RAD51B: variants seen among roughly 807,000 people sequenced by gnomAD.
RAD51B encodes RAD51 paralog B.
In RAD51B, 38 loss-of-function variants were observed where a neutral mutation model predicts 42.2. The observed-to-expected ratio is 0.90, with a 90% CI of 0.70 to 1.18. The LOEUF (loss-of-function observed/expected upper bound fraction) is 1.18, where lower values mean the gene tolerates loss of function less well. Among genes scored for constraint, RAD51B ranks in the 50% most tolerant of loss-of-function variants. RAD51B has a pLI of 0.00. For synonymous variants in RAD51B, 154 were observed against 145.2 expected (o/e 1.06, Z -0.43); for missense variants, 373 against 400.7 (o/e 0.93, Z 0.59).
intron 4 of RAD51B, among the ~76,000 whole-genome samples, chr14:67,847,326 CTTTTTT>C (rs60032578): frequency 6.1e-4 from 64 of 105,630 alleles, no homozygotes; most frequent in South Asian, 2.2e-3. Flanking sequence ...TTGGTTTGTT[CTTTTTT>C]TTTTTTTTTT....
intron 7 of RAD51B, among the ~76,000 whole-genome samples, chr14:68,248,503 C>G (rs2080547456): frequency 6.6e-6 from 1 of 151,826 alleles, no homozygotes. Flanking sequence ...TAGTGAAGTT[C>G]ATGATTCTAC....
At chr14:68,421,619 C>G (rs542399371) in intron 9 of RAD51B, 1 of 1,143,074 alleles carries the variant, frequency 8.7e-7, no homozygotes, top group Admixed American at 1.8e-5. Context: ...TAGGATACTG[C>G]GAGCAAACGG....
intron 7 of RAD51B, among the ~76,000 whole-genome samples, chr14:67,992,782 A>G (rs1371279831): frequency 6.6e-6 from 1 of 151,986 alleles, no homozygotes; most frequent in African/African-American, 2.4e-5. Flanking sequence ...AGCATTATTT[A>G]TATTTGGCAC....
At chr14:67,934,946 A>G (rs2044882002) in intron 7 of RAD51B, among the ~76,000 whole-genome samples, 1 of 152,216 alleles carries the variant, frequency 6.6e-6, no homozygotes, top group Non-Finnish European at 1.5e-5. Context: ...CTTTCCTGAC[A>G]GCACCATACT....
chr14:67,930,218 C>A (rs551339288), intron 7 of RAD51B, among the ~76,000 whole-genome samples: 5 of 152,116 alleles, frequency 3.3e-5, no homozygotes, highest in Admixed American at 1.3e-4. Context: ...TTTGTTCCTT[C>A]ATATTGTTAA....
intron 7 of RAD51B, among the ~76,000 whole-genome samples, chr14:68,221,574 A>G (rs778381936): frequency 6.6e-6 from 1 of 152,260 alleles, no homozygotes; most frequent in African/African-American, 2.4e-5. Context: ...ACCTGAAACC[A>G]TAAAGATTCT....
intron 8 of RAD51B, among the ~76,000 whole-genome samples, chr14:68,347,954 T>G (rs144519155): frequency 6.6e-6 from 1 of 152,166 alleles, no homozygotes; most frequent in Non-Finnish European, 1.5e-5. Flanking sequence ...ATGAATTTGC[T>G]GAATATTCCA....
At chr14:68,354,146 A>G (rs1393632963) in intron 8 of RAD51B, among the ~76,000 whole-genome samples, 3 of 151,824 alleles carry the variant, frequency 2.0e-5, no homozygotes, top group East Asian at 3.9e-4. Flanking sequence ...TTGTGGTGCT[A>G]TATAGGTGGT....
chr14:68,396,094 C>T (rs950490079), intron 8 of RAD51B, among the ~76,000 whole-genome samples: 6 of 152,106 alleles, frequency 3.9e-5, no homozygotes, highest in Non-Finnish European at 8.8e-5. Flanking sequence ...GGGACACGGG[C>T]ACCGGCAGAG....
At chr14:68,267,947 A>G (rs1304367601) in intron 7 of RAD51B, among the ~76,000 whole-genome samples, 2 of 152,212 alleles carry the variant, frequency 1.3e-5, no homozygotes, top group Non-Finnish European at 2.9e-5. Context: ...TCAGATGTCA[A>G]ATAATGTGCT....
chr14:68,260,240 G>GATAGGAGTAAGCTTAGAGT (rs1419684992), intron 7 of RAD51B, among the ~76,000 whole-genome samples: 2 of 140,290 alleles, frequency 1.4e-5, no homozygotes, highest in Non-Finnish European at 1.6e-5. Context: ...AAGGCTCTGG[G>GATAGGAGTAAGCTTAGAGT]ATAGGAGTAA....
chr14:68,285,685 G>A (rs1025151071), intron 7 of RAD51B, among the ~76,000 whole-genome samples: 1 of 152,188 alleles, frequency 6.6e-6, no homozygotes, highest in Non-Finnish European at 1.5e-5. Context: ...GGGAGTGGGC[G>A]GGAGGAGGAA....
intron 10 of RAD51B, among the ~76,000 whole-genome samples, chr14:68,648,155 G>GTATATATATATATACACACGTATATA (rs1892622241): frequency 9.8e-6 from 1 of 102,456 alleles, no homozygotes; most frequent in African/African-American, 4.2e-5. Flanking sequence ...ATACACACAC[G>GTATATATATATATACACACGTATATA]TATATATATA....
At chr14:68,054,742 G>A (rs114131676) in intron 7 of RAD51B, among the ~76,000 whole-genome samples, 119 of 152,286 alleles carry the variant, frequency 7.8e-4, no homozygotes, top group Admixed American at 1.1e-3. Context: ...AAAGTTACTT[G>A]GGTTAGTTTT....
chr14:68,194,390 G>A (rs2079327359), intron 7 of RAD51B, among the ~76,000 whole-genome samples: 1 of 152,158 alleles, frequency 6.6e-6, no homozygotes, highest in South Asian at 2.1e-4. Flanking sequence ...TACAGTAATA[G>A]TAGAAGACAT....
chr14:68,339,500 T>C, intron 8 of RAD51B: 1 of 433,816 alleles, frequency 2.3e-6, no homozygotes, highest in Non-Finnish European at 4.1e-6. Flanking sequence ...GAGCCATTTT[T>C]TCTCCTTGGC....
intron 7 of RAD51B, among the ~76,000 whole-genome samples, chr14:68,267,933 C>CT (rs148567456): frequency 0.073 from 11,103 of 152,218 alleles, 1,348 homozygotes; most frequent in African/African-American, 0.25. Context: ...TAAAACCAAA[C>CT]TTTTCAGATG....
At chr14:67,962,112 A>G (rs2074682424) in intron 7 of RAD51B, among the ~76,000 whole-genome samples, 1 of 152,228 alleles carries the variant, frequency 6.6e-6, no homozygotes, top group South Asian at 2.1e-4. Context: ...ATGGAATACA[A>G]TAGAGGTGAC....
At chr14:68,592,246 G>T (rs2257007) in intron 10 of RAD51B, among the ~76,000 whole-genome samples, 5,890 of 144,420 alleles carry the variant, frequency 0.041, 414 homozygotes, top group African/African-American at 0.15. Context: ...CAAAGGGGTA[G>T]GCAATGATGT....
Sources: gnomAD v4.1 joint callset for allele counts (sites outside exome capture counted in the v4.1 genomes callset) on GRCh38, gnomAD v4.1.1 for gene constraint, MANE v1.5 for transcripts, NCBI Gene and HGNC (gene_info 2026-07-23, HGNC 2026-07-21) for gene names.